WDR1: variants seen among roughly 807,000 people sequenced by gnomAD.
The protein encoded by WDR1 is WD repeat-containing protein 1.
A neutral mutation model predicts 71.9 loss-of-function variants in WDR1; 21 were observed. That is an observed-to-expected ratio of 0.29 (90% CI 0.21 to 0.42). The LOEUF is 0.42. Among genes scored for constraint, WDR1 ranks in the 10% least tolerant of loss-of-function variants. WDR1 has a pLI of 1.00. For synonymous variants in WDR1, 424 were observed against 347.4 expected (o/e 1.22, Z -2.45); for missense variants, 696 against 824.5 (o/e 0.84, Z 1.91).
chr4:10,112,278 A>C (rs1372548532), intron 2 of WDR1, among the ~76,000 whole-genome samples: 1 of 152,084 alleles, frequency 6.6e-6, no homozygotes, highest in African/African-American at 2.4e-5. Context: ...CCCCAGACCT[A>C]AGGAGGTACC....
intron 14 of WDR1, 90 bp downstream of exon 14, chr4:10,077,214 G>A (rs1764833044): frequency 2.6e-6 from 4 of 1,534,608 alleles, no homozygotes; most frequent in Non-Finnish European, 1.8e-6. Context: ...ACTTAGCCCT[G>A]GGGACTGAAG....
intron 3 of WDR1, among the ~76,000 whole-genome samples, chr4:10,102,112 A>G (rs1442549246): frequency 2.0e-5 from 3 of 152,230 alleles, no homozygotes; most frequent in Non-Finnish European, 2.9e-5. Context: ...GCCTGGCTCG[A>G]TCAGAACAGA....
In WDR1 at chr4:10,116,224, G is replaced by A. The variant is rs1178249422; in HGVS notation, c.27C>T (p.Phe9=). The change falls in exon 2 of 15, where the codon TTC becomes TTT. Residue 9 remains phenylalanine (F), a synonymous_variant. Transcript: ENST00000499869. ...CCCTCTCCACCTGCGGGAGGCTGGC[G>A]AACACCTTCTCTGCGGAGACACAAA... MPYEIKKV[F]ASLPQVERGV... is the part of the protein sequence containing the mutation. 3 of 1,613,458 alleles carry A rather than the reference G, an allele frequency of 1.9e-6. No homozygotes were observed. The highest frequency in any genetic ancestry group is 2.5e-6 in the Non-Finnish European group (3 of 1,179,778).
intron 2 of WDR1, chr4:10,115,877 C>T (rs571946991): frequency 9.2e-5 from 50 of 545,422 alleles, no homozygotes; most frequent in African/African-American, 8.6e-4. Flanking sequence ...GGTGCTATGA[C>T]CGTAGACAGA....
At chr4:10,098,850 C>T (rs1712515670) in intron 4 of WDR1, 142 bp downstream of exon 4, 7 of 1,228,580 alleles carry the variant, frequency 5.7e-6, no homozygotes, top group East Asian at 2.4e-5. Context: ...CCAGCCCTCA[C>T]GGGGCCCGGC....
intron 8 of WDR1, among the ~76,000 whole-genome samples, chr4:10,085,151 C>T (rs1205231080): frequency 6.6e-6 from 1 of 152,228 alleles, no homozygotes; most frequent in Non-Finnish European, 1.5e-5. Flanking sequence ...GCGTTTAGCC[C>T]CCTCCATATC....
At chr4:10,075,621 G>A (rs1764770906) in intron 14 of WDR1, 137 bp from the exon 15 acceptor site, 1 of 777,398 alleles carries the variant, frequency 1.3e-6, no homozygotes, top group African/African-American at 1.7e-5. Flanking sequence ...TTGTAACTCA[G>A]GAGCCTGGCA....
At chr4:10,115,860 C>T in intron 2 of WDR1, 1 of 467,062 alleles carries the variant, frequency 2.1e-6, no homozygotes, top group Non-Finnish European at 3.9e-6. Context: ...CGATCCGGCG[C>T]TTTCAGGGTG....
chr4:10,078,648 C>G (rs904827837), intron 12 of WDR1: 3 of 463,384 alleles, frequency 6.5e-6, no homozygotes, highest in Non-Finnish European at 1.2e-5. Flanking sequence ...TGTCCACAGT[C>G]TTGTGGGCAC....
At chr4:10,103,261 CACACAT>C (rs1321385020) in intron 3 of WDR1, among the ~76,000 whole-genome samples, 1 of 83,926 alleles carries the variant, frequency 1.2e-5, no homozygotes, top group Non-Finnish European at 2.2e-5. Context: ...AACATCCATT[CACACAT>C]ACACACACAC....
At chr4:10,079,110 C>A (rs1163779052) in intron 11 of WDR1, 109 bp from the exon 12 acceptor site, 2 of 803,210 alleles carry the variant, frequency 2.5e-6, no homozygotes, top group South Asian at 3.6e-5. Context: ...GGGTTTGGCT[C>A]CATACCCAAC....
chr4:10,084,097 GC>G (rs748159500), intron 9 of WDR1, among the ~76,000 whole-genome samples: 14 of 152,216 alleles, frequency 9.2e-5, no homozygotes, highest in Non-Finnish European at 2.1e-4. Context: ...GTGGAGTAGG[GC>G]CAAGGCTGGC....
intron 11 of WDR1, among the ~76,000 whole-genome samples, chr4:10,079,228 C>T (rs1764920078): frequency 1.3e-5 from 2 of 152,246 alleles, no homozygotes; most frequent in South Asian, 4.1e-4. Flanking sequence ...CTAACTGTGA[C>T]CATTACTGTC....
At chr4:10,081,292 C>T in intron 11 of WDR1, 65 bp downstream of exon 11, 2 of 1,529,234 alleles carry the variant, frequency 1.3e-6, no homozygotes, top group South Asian at 1.1e-5. Context: ...GGACATGAGT[C>T]AAATTCAGCA....
At chr4:10,087,654 G>A (rs2109655861) in intron 8 of WDR1, 53 bp downstream of exon 8, 3 of 1,496,432 alleles carry the variant, frequency 2.0e-6, no homozygotes, top group Non-Finnish European at 2.7e-6. Context: ...TGGCCACTCT[G>A]GTCTCTTCCC....
intron 3 of WDR1, 36 bp downstream of exon 3, chr4:10,103,860 C>A: frequency 1.3e-6 from 2 of 1,551,654 alleles, no homozygotes; most frequent in Non-Finnish European, 1.7e-6. Flanking sequence ...ACCCAGGCCC[C>A]CACAGGTGTC....
intron 2 of WDR1, among the ~76,000 whole-genome samples, chr4:10,106,034 TATG>T (rs1362168795): frequency 6.7e-6 from 1 of 148,854 alleles, no homozygotes; most frequent in East Asian, 2.0e-4. Flanking sequence ...TCTCACTTCA[TATG>T]AAAGAAGATT....
At chr4:10,113,296 G>A (rs1046268390) in intron 2 of WDR1, among the ~76,000 whole-genome samples, 12 of 152,208 alleles carry the variant, frequency 7.9e-5, no homozygotes, top group African/African-American at 2.9e-4. Flanking sequence ...GGCAGGTGGA[G>A]GTTGCAGTGA....
chr4:10,113,794 G>A (rs141019279), intron 2 of WDR1, among the ~76,000 whole-genome samples: 1,602 of 152,374 alleles, frequency 0.011, 10 homozygotes, highest in Middle Eastern at 0.02. Flanking sequence ...GCGCAGTAGC[G>A]AAGCAGAGAG....
Sources: gnomAD v4.1 joint callset for allele counts (sites outside exome capture counted in the v4.1 genomes callset) on GRCh38, gnomAD v4.1.1 for gene constraint, MANE v1.5 for transcripts, NCBI Gene and HGNC (gene_info 2026-07-23, HGNC 2026-07-21) for gene names.